The following IMPG2 variants were observed in gnomAD, a reference collection of about 807,000 sequenced individuals.
IMPG2 encodes the protein interphotoreceptor matrix proteoglycan 2.
Under a neutral mutation model 129.2 loss-of-function variants are expected in IMPG2, and 91 were observed. The ratio of observed to expected loss-of-function variants is 0.70; its 90% CI spans 0.59 to 0.84. IMPG2 has a LOEUF of 0.84. Among genes scored for constraint, IMPG2 ranks in the 40% least tolerant of loss-of-function variants. The pLI is 0.00. For missense variants in IMPG2, 1,430 were observed against 1,461.7 expected (o/e 0.98, Z 0.35); for synonymous variants, 510 against 517.7 (o/e 0.99, Z 0.20).
chr3:101,270,001 G>C (rs1443418559), intron 7 of IMPG2, among the ~76,000 whole-genome samples: 2 of 146,778 alleles, frequency 1.4e-5, no homozygotes, highest in Non-Finnish European at 3.0e-5. Flanking sequence ...TGCGATCTTG[G>C]CTCACTGCAA....
chr3:101,243,463 G>A, intron 13 of IMPG2, 66 bp downstream of exon 13: 1 of 1,386,866 alleles, frequency 7.2e-7, no homozygotes, highest in Non-Finnish European at 1.0e-6. Context: ...TTATGTGCTA[G>A]AGGGGAGGAG....
intron 3 of IMPG2, among the ~76,000 whole-genome samples, chr3:101,301,271 C>T (rs569493912): frequency 7.9e-5 from 12 of 152,182 alleles, no homozygotes; most frequent in Admixed American, 2.6e-4. Flanking sequence ...TTTAAAATTT[C>T]GAATATTTTG....
intron 3 of IMPG2, among the ~76,000 whole-genome samples, chr3:101,299,671 C>T (rs940768373): frequency 5.3e-5 from 8 of 152,118 alleles, no homozygotes; most frequent in African/African-American, 1.9e-4. Flanking sequence ...AGGGCTGCTG[C>T]AGTTTGCTAG....
In IMPG2 at chr3:101,302,570, G is replaced by C. The variant is rs1328626530; in HGVS notation, c.501+1576C>G. ...CCATCATATCTGGTTTTATGTTATA[G>C]AATAAAGAATTTAATAATTATATGT... On this transcript the variant is annotated intron_variant, in intron 3 of 18. Coordinates refer to ENST00000193391, the MANE Select transcript of IMPG2 (RefSeq NM_016247.4). Among the ~76,000 whole-genome samples, 3 of 152,264 alleles carry C rather than the reference G, an allele frequency of 2.0e-5. No individual in the cohort carries two copies. In the South Asian group the frequency reaches 6.2e-4, roughly 32 times the overall value.
chr3:101,254,320 C>T (rs949549318), intron 10 of IMPG2, among the ~76,000 whole-genome samples: 2 of 152,038 alleles, frequency 1.3e-5, no homozygotes, highest in Admixed American at 6.6e-5. Context: ...TGAATCCTTG[C>T]TAGTTACCAC....
intron 9 of IMPG2, among the ~76,000 whole-genome samples, chr3:101,259,454 C>T (rs747615025): frequency 2.0e-5 from 3 of 151,736 alleles, no homozygotes; most frequent in Admixed American, 6.6e-5. Flanking sequence ...CTTTAGCCTT[C>T]GTTGTTTTGT....
Position 101,244,066 on chromosome 3 carries a change from G to T in IMPG2, c.2265C>A (p.Asn755Lys). Reference sequence around the variant, plus strand: ...AAACCTCACTGTCAAACCATTCATAGTTGGATGACTCAGTAATTTGTTCCA... The same window carrying T: ...AAACCTCACTGTCAAACCATTCATATTTGGATGACTCAGTAATTTGTTCCA... ...EDMEQITESS[N>K]YEWFDSEVSM... Residue 755 changes from asparagine (N) to lysine (K), a missense_variant, in exon 13 of 19, where the codon AAC becomes AAA. Physicochemically the swap from Asn to Lys is moderately conservative, Grantham distance 94 (BLOSUM62 0). Transcript: ENST00000193391. The T allele has an allele frequency of 6.2e-7, 1 of 1,613,980 alleles. No individual in the cohort carries two copies. Among genetic ancestry groups the T allele is most frequent in the African/African-American group, 1.3e-5 (1 of 75,064 alleles).
At chr3:101,296,526 T>C (rs1707081553) in intron 3 of IMPG2, among the ~76,000 whole-genome samples, 1 of 152,168 alleles carries the variant, frequency 6.6e-6, no homozygotes, top group South Asian at 2.1e-4. Context: ...TAAAGTTTTC[T>C]TTTTTTGTTG....
In IMPG2 at chr3:101,232,781, C is replaced by T. The variant is rs1450764771; in HGVS notation, c.3233G>A (p.Arg1078Lys). 1 of 1,612,978 alleles carries T rather than the reference C, an allele frequency of 6.2e-7. No individual in the cohort carries two copies. The highest frequency in any genetic ancestry group is 1.3e-5 in the African/African-American group (1 of 74,704). The change falls in exon 15 of 19, where the codon AGG (arginine) becomes AAG (lysine). Residue 1078 changes from arginine (R) to lysine (K), a missense_variant and splice_region_variant. By Grantham distance (26) the Arg-to-Lys change is conservative (BLOSUM62 2). Coordinates refer to ENST00000193391, the MANE Select transcript of IMPG2 (RefSeq NM_016247.4). ...GTCAAAATCTGTAACTACAACATACCTACAAATGGCCCCGTGCCCAGGCAT... is the reference window on the plus strand; with the variant it reads ...GTCAAAATCTGTAACTACAACATACTTACAAATGGCCCCGTGCCCAGGCAT... ...DIMPGHGAICRCRVGENWWYR... is the reference protein window; with the variant it reads ...DIMPGHGAICKCRVGENWWYR...
intron 2 of IMPG2, among the ~76,000 whole-genome samples, chr3:101,309,180 T>C (rs1707235744): frequency 6.6e-6 from 1 of 152,184 alleles, no homozygotes; most frequent in South Asian, 2.1e-4. Flanking sequence ...CATCTTCCTG[T>C]CTTCTTCGGG....
chr3:101,278,125 C>A (rs1406125431), intron 4 of IMPG2, among the ~76,000 whole-genome samples: 1 of 152,188 alleles, frequency 6.6e-6, no homozygotes, highest in Non-Finnish European at 1.5e-5. Flanking sequence ...ATCCCAGCTA[C>A]TCAGGAGGCT....
At chr3:101,305,073 T>C (rs1707175095) in intron 2 of IMPG2, among the ~76,000 whole-genome samples, 1 of 152,282 alleles carries the variant, frequency 6.6e-6, no homozygotes, top group East Asian at 1.9e-4. Flanking sequence ...TTATTCATAA[T>C]TGCCAAAACT....
intron 15 of IMPG2, 89 bp downstream of exon 15, chr3:101,232,692 T>G (rs1328228397): frequency 9.3e-7 from 1 of 1,069,834 alleles, no homozygotes; most frequent in Non-Finnish European, 1.4e-6. Context: ...CATACTATAA[T>G]AAGTATCCTA....
At chr3:101,261,102 CATT>C (rs1305058164) in intron 9 of IMPG2, among the ~76,000 whole-genome samples, 2 of 152,096 alleles carry the variant, frequency 1.3e-5, no homozygotes, top group South Asian at 2.1e-4. Context: ...ATTTTAGAGA[CATT>C]GTTTCCTGGC....
At chr3:101,229,173 A>T (rs1239728685) in intron 17 of IMPG2, among the ~76,000 whole-genome samples, 1 of 151,698 alleles carries the variant, frequency 6.6e-6, no homozygotes, top group Admixed American at 6.6e-5. Context: ...TGGGGGAAAT[A>T]AGGTACCGCT....
intron 17 of IMPG2, 74 bp downstream of exon 17, chr3:101,229,306 A>AAC: frequency 1.7e-5 from 6 of 362,590 alleles, no homozygotes; most frequent in South Asian, 4.1e-5. Flanking sequence ...ACACACCCCC[A>AAC]CCCACCACCC....
chr3:101,284,266 G>A (rs1411198534), intron 4 of IMPG2, among the ~76,000 whole-genome samples: 2 of 152,182 alleles, frequency 1.3e-5, no homozygotes, highest in African/African-American at 4.8e-5. Context: ...CATTCACATA[G>A]AGATGTCATC....
intron 4 of IMPG2, among the ~76,000 whole-genome samples, chr3:101,288,021 T>C (rs771360637): frequency 3.3e-5 from 5 of 151,974 alleles, no homozygotes; most frequent in Non-Finnish European, 7.4e-5. Context: ...CAAGAATCTA[T>C]AGGGAATTTA....
chr3:101,243,691 C>A lies in IMPG2; in HGVS notation c.2640G>T (p.Val880=). The A allele has an allele frequency of 6.2e-7, 1 of 1,614,108 alleles. No individual in the cohort carries two copies. The highest frequency in any genetic ancestry group is 8.5e-7 in the Non-Finnish European group (1 of 1,179,990). Reference sequence around the variant, plus strand: ...CATCTCCTCCTTCTGTGGGCCAAGCCACACTAACCATCTCTGTGGAGTGAA... The same window carrying A: ...CATCTCCTCCTTCTGTGGGCCAAGCAACACTAACCATCTCTGTGGAGTGAA... ...TSVHSTEMVS[V]AWPTEGGDDL... The change falls in exon 13 of 19, where the codon GTG becomes GTT. Residue 880 remains valine (V), a synonymous_variant. Coordinates refer to ENST00000193391, the MANE Select transcript of IMPG2 (RefSeq NM_016247.4).
Sources: gnomAD v4.1 joint callset for allele counts (sites outside exome capture counted in the v4.1 genomes callset) on GRCh38, gnomAD v4.1.1 for gene constraint, MANE v1.5 for transcripts, NCBI Gene and HGNC (gene_info 2026-07-23, HGNC 2026-07-21) for gene names.